Variants in FAM168A observed in about 807,000 individuals in gnomAD.
FAM168A encodes protein FAM168A.
Under a neutral mutation model 28.5 loss-of-function variants are expected in FAM168A, and 3 were observed. The observed-to-expected ratio is 0.11, with a 90% CI of 0.05 to 0.27. The LOEUF is 0.27. Among genes scored for constraint, FAM168A ranks in the 10% least tolerant of loss-of-function variants. FAM168A has a pLI of 1.00. For missense variants in FAM168A, 222 were observed against 311.5 expected, an observed-to-expected ratio of 0.71 and a Z score of 2.16; for synonymous variants, 122 against 124.2, an observed-to-expected ratio of 0.98 and a Z score of 0.12.
At chr11:73,424,758 G>A (rs956629509) in intron 3 of FAM168A, among the ~76,000 whole-genome samples, 3 of 152,126 alleles carry the variant, frequency 2.0e-5, no homozygotes, top group Non-Finnish European at 4.4e-5. Flanking sequence ...GTTTGAATTC[G>A]GCAGCCAGGT....
intron 1 of FAM168A, among the ~76,000 whole-genome samples, chr11:73,481,778 T>C (rs755063574): frequency 9.2e-5 from 14 of 152,224 alleles, no homozygotes; most frequent in Non-Finnish European, 1.8e-4. Flanking sequence ...TGCTATGGTC[T>C]AAATATGTCT....
chr11:73,478,943 T>C (rs2134590675), intron 1 of FAM168A, among the ~76,000 whole-genome samples: 1 of 152,308 alleles, frequency 6.6e-6, no homozygotes, highest in East Asian at 1.9e-4. Flanking sequence ...GATGGCAACA[T>C]GCTCAGTTAA....
intron 1 of FAM168A, among the ~76,000 whole-genome samples, chr11:73,516,295 T>C (rs951825922): frequency 1.3e-5 from 2 of 152,162 alleles, no homozygotes; most frequent in African/African-American, 2.4e-5. Flanking sequence ...GAAAGTTACT[T>C]AACCTCTCTG....
intron 1 of FAM168A, among the ~76,000 whole-genome samples, chr11:73,554,146 T>G (rs1943861220): frequency 1.3e-5 from 2 of 151,750 alleles, no homozygotes; most frequent in African/African-American, 4.8e-5. Flanking sequence ...GAGGCCAAGG[T>G]GGGAGGATCA....
chr11:73,585,447 A>C (rs936019865), intron 1 of FAM168A, among the ~76,000 whole-genome samples: 1 of 152,262 alleles, frequency 6.6e-6, no homozygotes, highest in African/African-American at 2.4e-5. Flanking sequence ...AGAGTAAGCC[A>C]GAACAAAGTA....
intron 1 of FAM168A, among the ~76,000 whole-genome samples, chr11:73,570,503 A>G (rs762538963): frequency 2.0e-5 from 3 of 152,200 alleles, no homozygotes; most frequent in African/African-American, 7.2e-5. Flanking sequence ...ACACTTAAGG[A>G]GGCCAAGGCT....
At chr11:73,589,042 T>C (rs1235268666) in intron 1 of FAM168A, among the ~76,000 whole-genome samples, 1 of 152,194 alleles carries the variant, frequency 6.6e-6, no homozygotes, top group Non-Finnish European at 1.5e-5. Context: ...AACACTGATC[T>C]TGGACTTCTT....
chr11:73,510,654 G>C (rs72973610), intron 1 of FAM168A: 20 of 306,526 alleles, frequency 6.5e-5, no homozygotes, highest in Non-Finnish European at 1.1e-4. Flanking sequence ...AAGCCAAAAG[G>C]GGGTACATCC....
At chr11:73,469,135 G>C (rs550363848) in intron 1 of FAM168A, among the ~76,000 whole-genome samples, 1 of 152,268 alleles carries the variant, frequency 6.6e-6, no homozygotes, top group East Asian at 1.9e-4. Flanking sequence ...ATTTATTCAA[G>C]GGAAAGAAAT....
At chr11:73,592,847 C>T (rs1317701962) in intron 1 of FAM168A, among the ~76,000 whole-genome samples, 1 of 146,964 alleles carries the variant, frequency 6.8e-6, no homozygotes, top group Non-Finnish European at 1.5e-5. Context: ...TTGACCAGGA[C>T]AACATAGCGA....
intron 1 of FAM168A, among the ~76,000 whole-genome samples, chr11:73,562,160 C>G (rs887703806): frequency 1.3e-4 from 20 of 152,132 alleles, no homozygotes; most frequent in African/African-American, 4.8e-4. Flanking sequence ...TCAGGCTGGT[C>G]TCAAACTCCT....
intron 1 of FAM168A, among the ~76,000 whole-genome samples, chr11:73,549,273 C>T (rs900780120): frequency 3.9e-5 from 6 of 152,168 alleles, no homozygotes; most frequent in African/African-American, 1.4e-4. Flanking sequence ...GTACCTACTA[C>T]ACTTAATTGT....
chr11:73,526,898 G>A (rs12270051), intron 1 of FAM168A, among the ~76,000 whole-genome samples: 4,054 of 141,488 alleles, frequency 0.029, 201 homozygotes, highest in African/African-American at 0.1. Context: ...AAAAAACGGA[G>A]AGAAATGAAA....
At chr11:73,448,531 AC>A in intron 2 of FAM168A, among the ~76,000 whole-genome samples, 1 of 152,180 alleles carries the variant, frequency 6.6e-6, no homozygotes, top group South Asian at 2.1e-4. Context: ...CATTCCCAAC[AC>A]CCTTTGCCCT....
rs918564469 is a variant in FAM168A, at chr11:73,459,879, A to ATTT, written c.70+8523_70+8525dup. ...CAGTCACAACAGATAATCCAAATGA[A>ATTT]TTTTTTTTTTTTTTTTTTTTTTTGA... On this transcript the variant is annotated intron_variant, in intron 2 of 7. Transcript: ENST00000356467. Among the ~76,000 whole-genome samples, 833 of 108,390 alleles carry ATTT rather than the reference A, an allele frequency of 7.7e-3. 19 individuals are homozygous for ATTT. The highest frequency in any genetic ancestry group is 0.014 in the African/African-American group (346 of 24,976). The allele number at this position is 108,390 out of a possible 152,430, so 71.1% of individuals were successfully genotyped here.
intron 1 of FAM168A, among the ~76,000 whole-genome samples, chr11:73,539,222 A>G (rs907592741): frequency 3.3e-5 from 5 of 152,176 alleles, no homozygotes; most frequent in African/African-American, 1.2e-4. Context: ...CAAACACTCC[A>G]GGAATATAGG....
chr11:73,581,018 CTAGAT>C (rs1944237662), intron 1 of FAM168A, among the ~76,000 whole-genome samples: 1 of 152,214 alleles, frequency 6.6e-6, no homozygotes, highest in South Asian at 2.1e-4. Context: ...GGTTCCGTTT[CTAGAT>C]TGTGGATCTT....
intron 4 of FAM168A, chr11:73,412,267 T>C (rs1022944986): frequency 3.3e-5 from 5 of 152,264 alleles, no homozygotes; most frequent in Admixed American, 1.3e-4. Context: ...CCTTCTCTCC[T>C]GGGCTCTAGG....
At chr11:73,448,074 A>G (rs969794483) in intron 2 of FAM168A, among the ~76,000 whole-genome samples, 6 of 152,174 alleles carry the variant, frequency 3.9e-5, no homozygotes, top group Non-Finnish European at 5.9e-5. Context: ...TTTGAGACAC[A>G]GTCTCGCTCT....
Sources: allele counts gnomAD v4.1 joint callset (sites outside exome capture counted in the v4.1 genomes callset), GRCh38; gene constraint gnomAD v4.1.1; transcripts MANE v1.5; gene names NCBI Gene and HGNC (gene_info 2026-07-23, HGNC 2026-07-21).